SLC2A5: variants seen among roughly 807,000 people sequenced by gnomAD.
SLC2A5 encodes solute carrier family 2, facilitated glucose transporter member 5.
SLC2A5 carries 56 observed loss-of-function variants against 50.3 expected under a neutral mutation model. That is an observed-to-expected ratio of 1.11 (90% CI 0.90 to 1.39). The LOEUF (loss-of-function observed/expected upper bound fraction) is 1.39, where lower values mean the gene tolerates loss of function less well. Ranked by LOEUF, SLC2A5 falls within the 40% of genes most tolerant of loss-of-function variation. The pLI is 0.00. For missense variants in SLC2A5, 566 were observed against 650.1 expected, an observed-to-expected ratio of 0.87 and a Z score of 1.41; for synonymous variants, 269 against 281.9, an observed-to-expected ratio of 0.95 and a Z score of 0.46.
upstream of SLC2A5, among the ~76,000 whole-genome samples, chr1:9,073,964 C>T (rs1376169023): frequency 6.6e-6 from 1 of 152,146 alleles, no homozygotes; most frequent in Non-Finnish European, 1.5e-5. Context: ...CCCGTAACCC[C>T]ACCTACTCAG....
At chr1:9,055,640 A>G (rs1641731946) in intron 3 of SLC2A5, among the ~76,000 whole-genome samples, 1 of 151,922 alleles carries the variant, frequency 6.6e-6, no homozygotes, top group Admixed American at 6.6e-5. Flanking sequence ...CACTGGCCAC[A>G]TGCAGTGTTT....
chr1:9,068,373 A>T (rs889878429), intron 1 of SLC2A5, among the ~76,000 whole-genome samples: 3 of 151,862 alleles, frequency 2.0e-5, no homozygotes, highest in Non-Finnish European at 2.9e-5. Context: ...AGAGTTAAAG[A>T]ACTTACCCAA....
chr1:9,089,719 G>A (rs114271238), upstream of SLC2A5, among the ~76,000 whole-genome samples: 3,274 of 152,268 alleles, frequency 0.022, 108 homozygotes, highest in African/African-American at 0.073. Flanking sequence ...CCACCAAACT[G>A]TGCCCAACTT....
In SLC2A5 at chr1:9,039,851, C is replaced by A. The variant is rs1361843100; in HGVS notation, c.834G>T (p.Leu278=). The A allele has an allele frequency of 6.2e-7, 1 of 1,610,510 alleles. No individual in the cohort carries two copies. The highest frequency in any genetic ancestry group is 2.2e-5 in the East Asian group (1 of 44,768). The change falls in exon 7 of 12, where the codon CTG becomes CTT. Residue 278 remains leucine (L), a synonymous_variant. Coordinates refer to ENST00000377424, the MANE Select transcript of SLC2A5 (RefSeq NM_003039.3). ...LFRMRSLRWQ[L]LSIIVLMGGQ... Reference sequence around the variant, plus strand: ...CGCCCATGAGGACGATGATGGACAGCAGCTGCCAGCGCAGCGAGCGCATCC... The same window carrying A: ...CGCCCATGAGGACGATGATGGACAGAAGCTGCCAGCGCAGCGAGCGCATCC...
At chr1:9,038,328 C>A in intron 10 of SLC2A5, 103 bp downstream of exon 10, 1 of 861,316 alleles carries the variant, frequency 1.2e-6, no homozygotes, top group South Asian at 1.4e-5. Flanking sequence ...GATGCCATTT[C>A]CAGGCTGCAT....
At chr1:9,048,669 T>A (rs1416160579) in intron 3 of SLC2A5, among the ~76,000 whole-genome samples, 1 of 151,956 alleles carries the variant, frequency 6.6e-6, no homozygotes, top group African/African-American at 2.4e-5. Context: ...TTTCCTCCTT[T>A]CTTTTTTTTG....
rs891976021 is a variant in SLC2A5 at position 9,036,358 on chromosome 1, T to C, written c.*1228A>G. ...CCAATTAAAAAAATTTTTTTTGAGA[T>C]GGGATCTCACTGTGTTGCCCAGGCT... On this transcript the variant is annotated 3_prime_UTR_variant, in exon 12 of 12. Coordinates refer to ENST00000377424, the MANE Select transcript of SLC2A5 (RefSeq NM_003039.3). 2 of 152,160 alleles carry C rather than the reference T, an allele frequency of 1.3e-5. No individual in the cohort carries two copies. The highest frequency in any genetic ancestry group is 4.8e-5 in the African/African-American group (2 of 41,436). The allele number at this position is 152,160 out of a possible 1,614,324, so 9.4% of individuals were successfully genotyped here. A position where few individuals can be genotyped will look rare whatever the true frequency, so the allele number is the denominator to read the frequency against.
At chr1:9,066,976 T>A (rs1642098600) in intron 1 of SLC2A5, among the ~76,000 whole-genome samples, 1 of 139,786 alleles carries the variant, frequency 7.2e-6, no homozygotes. Flanking sequence ...AGACCCTGTC[T>A]CAAAATTAAA....
intron 1 of SLC2A5, among the ~76,000 whole-genome samples, chr1:9,064,613 T>G (rs1642034022): frequency 1.3e-5 from 2 of 152,288 alleles, no homozygotes; most frequent in South Asian, 4.1e-4. Flanking sequence ...AGCAAAGCAC[T>G]GAAATACAGC....
At chr1:9,046,568 G>T (rs934386213) in intron 4 of SLC2A5, among the ~76,000 whole-genome samples, 1 of 151,992 alleles carries the variant, frequency 6.6e-6, no homozygotes, top group African/African-American at 2.4e-5. Flanking sequence ...CACCTTTCTG[G>T]TAGTGGAATT....
At chr1:9,072,081 C>G (rs1403361285), upstream of SLC2A5, 2 of 153,054 alleles carry the variant, frequency 1.3e-5, no homozygotes, top group Non-Finnish European at 2.9e-5. Context: ...CAGAGTCCCC[C>G]TCAGCCTCGC....
chr1:9,044,711 T>C (rs1324406424), intron 4 of SLC2A5, among the ~76,000 whole-genome samples: 3 of 152,124 alleles, frequency 2.0e-5, no homozygotes, highest in African/African-American at 7.2e-5. Context: ...TACTCCACCA[T>C]GCCCAGCTAA....
At chr1:9,091,094 C>T (rs2124493357), upstream of SLC2A5, among the ~76,000 whole-genome samples, 1 of 152,310 alleles carries the variant, frequency 6.6e-6, no homozygotes, top group East Asian at 1.9e-4. Flanking sequence ...TACTTTCCTT[C>T]CTCGGATTAG....
intron 1 of SLC2A5, 37 bp downstream of exon 1, chr1:9,069,467 C>A: frequency 1.2e-6 from 2 of 1,610,712 alleles, no homozygotes; most frequent in Non-Finnish European, 1.7e-6. Flanking sequence ...GGCAGCCAAG[C>A]CTGCTCTTGG....
In SLC2A5 at chr1:9,037,266, A is replaced by C; in HGVS notation, c.*320T>G. On this transcript the variant is annotated 3_prime_UTR_variant, in exon 12 of 12. Coordinates refer to ENST00000377424, the MANE Select transcript of SLC2A5 (RefSeq NM_003039.3). The stretch of plus-strand genomic sequence containing the variant: ...TAACTGTTGTTGTTATGTTACCAGG[A>C]GCCACACAAAGGTTGACCCATCAAG... 3.0e-6 allele frequency: 1 copy of C among 334,854 alleles called. No individual in the cohort carries two copies. Among genetic ancestry groups the C allele is most frequent in the Non-Finnish European group, 5.7e-6 (1 of 176,378 alleles). The allele number at this position is 334,854 out of a possible 1,614,324, so 20.7% of individuals were successfully genotyped here. A position where few individuals can be genotyped will look rare whatever the true frequency, so the allele number is the denominator to read the frequency against.
intron 2 of SLC2A5, among the ~76,000 whole-genome samples, chr1:9,078,492 A>AGT (rs1404767239): frequency 6.6e-6 from 1 of 152,214 alleles, no homozygotes; most frequent in Non-Finnish European, 1.5e-5. Flanking sequence ...TATTGGGTAC[A>AGT]GTGTACAGCG....
rs764895037 is a variant in SLC2A5 at position 9,047,713 on chromosome 1, G to A, written c.315C>T (p.Asn105=). The change falls in exon 4 of 12, where the codon AAC becomes AAT. Residue 105 remains asparagine, a synonymous_variant. Transcript: ENST00000377424. ...TCGCAGGCACGATAGAAAATATGTTGTTGAACAGCAAGGCCCCTTTTCTGC... is the reference window on the plus strand; with the variant it reads ...TCGCAGGCACGATAGAAAATATGTTATTGAACAGCAAGGCCCCTTTTCTGC... The part of the protein sequence containing the change: ...KFGRKGALLF[N]NIFSIVPAIL... The A allele has an allele frequency of 6.2e-6, 10 of 1,613,944 alleles. No homozygotes were observed. In the Admixed American group the frequency reaches 1.7e-4, roughly 27 times the overall value.
At chr1:9,069,367 CT>C in intron 1 of SLC2A5, 136 bp downstream of exon 1, 4 of 860,646 alleles carry the variant, frequency 4.6e-6, no homozygotes, top group Non-Finnish European at 7.5e-6. Flanking sequence ...GACTTTCCCC[CT>C]CTCCCCACCA....
At chr1:9,077,233 CTACAAAAA>C (rs1400457800) in intron 2 of SLC2A5, among the ~76,000 whole-genome samples, 1 of 150,148 alleles carries the variant, frequency 6.7e-6, no homozygotes, top group Admixed American at 6.6e-5. Flanking sequence ...GATACCGTCT[CTACAAAAA>C]TACAAAAATT....
Sources: gnomAD v4.1 joint callset for allele counts (sites outside exome capture counted in the v4.1 genomes callset) on GRCh38, gnomAD v4.1.1 for gene constraint, MANE v1.5 for transcripts, NCBI Gene and HGNC (gene_info 2026-07-23, HGNC 2026-07-21) for gene names.